Variants in HIVEP3 observed in about 807,000 individuals in gnomAD.
The protein encoded by HIVEP3 is transcription factor HIVEP3.
HIVEP3 carries 49 observed loss-of-function variants against 152.8 expected under a neutral mutation model. That is an observed-to-expected ratio of 0.32 (90% confidence interval 0.26 to 0.41). The LOEUF is 0.41. Ranked by LOEUF, HIVEP3 falls within the 10% of genes least tolerant of loss-of-function variation. The pLI is 1.00. For missense variants in HIVEP3, 2,790 were observed against 3,103.3 expected, an observed-to-expected ratio of 0.90 and a Z score of 2.40; for synonymous variants, 1,269 against 1,289.0, an observed-to-expected ratio of 0.98 and a Z score of 0.33.
intron 1 of HIVEP3, among the ~76,000 whole-genome samples, chr1:41,991,584 T>C (rs1419455358): frequency 1.3e-5 from 2 of 148,830 alleles, no homozygotes; most frequent in East Asian, 4.0e-4. Context: ...GAGGAACTGG[T>C]ACCATTCCTT....
intron 5 of HIVEP3, among the ~76,000 whole-genome samples, chr1:41,553,847 G>T (rs1387028741): frequency 6.6e-6 from 1 of 152,210 alleles, no homozygotes; most frequent in South Asian, 2.1e-4. Context: ...GGCTTGTAGG[G>T]TTTCTGCCGA....
At chr1:42,028,543 C>T (rs1350085658) in intron 1 of HIVEP3, among the ~76,000 whole-genome samples, 5 of 152,166 alleles carry the variant, frequency 3.3e-5, no homozygotes, top group African/African-American at 9.7e-5. Flanking sequence ...CTTACTGACT[C>T]GGTGTCCAAA....
chr1:41,945,025 C>T (rs913122986), intron 1 of HIVEP3, among the ~76,000 whole-genome samples: 36 of 152,140 alleles, frequency 2.4e-4, no homozygotes, highest in Admixed American at 2.2e-3. Context: ...ATTATAACCC[C>T]ATCTTACAGC....
intron 1 of HIVEP3, among the ~76,000 whole-genome samples, chr1:41,854,146 CCT>C (rs143354235): frequency 3.7e-4 from 55 of 148,284 alleles, no homozygotes; most frequent in Non-Finnish European, 4.4e-4. Flanking sequence ...TGTCCCACCT[CCT>C]CTCTCTCTCT....
At chr1:41,773,690 G>A (rs1266209755) in intron 1 of HIVEP3, among the ~76,000 whole-genome samples, 3 of 152,182 alleles carry the variant, frequency 2.0e-5, no homozygotes, top group Non-Finnish European at 1.5e-5. Flanking sequence ...CCTCTGATGT[G>A]CACAGATGAG....
intron 1 of HIVEP3, among the ~76,000 whole-genome samples, chr1:41,888,097 G>A (rs1331824192): frequency 6.8e-6 from 1 of 148,008 alleles, no homozygotes; most frequent in Non-Finnish European, 1.5e-5. Context: ...GTGCAGTGGC[G>A]TGATCTCAGC....
intron 1 of HIVEP3, among the ~76,000 whole-genome samples, chr1:41,811,287 A>T (rs889789447): frequency 1.3e-5 from 2 of 150,784 alleles, no homozygotes; most frequent in African/African-American, 2.4e-5. Flanking sequence ...TGTCCTCCCA[A>T]TGGTAGGAAC....
chr1:41,575,518 C>A, intron 5 of HIVEP3, 26 bp downstream of exon 5: 1 of 1,610,906 alleles, frequency 6.2e-7, no homozygotes, highest in South Asian at 1.1e-5. Context: ...CGGAAGCAGA[C>A]GATGGAAACC....
chr1:41,567,886 G>T (rs941331338), intron 5 of HIVEP3, among the ~76,000 whole-genome samples: 1 of 152,228 alleles, frequency 6.6e-6, no homozygotes, highest in Non-Finnish European at 1.5e-5. Context: ...TGATGGATGG[G>T]TTCTCACTGG....
At chr1:41,685,862 G>A (rs1003731383) in intron 2 of HIVEP3, among the ~76,000 whole-genome samples, 2 of 151,990 alleles carry the variant, frequency 1.3e-5, no homozygotes, top group Admixed American at 6.6e-5. Flanking sequence ...TCTCCAACCC[G>A]CCTCTCTGTC....
intron 1 of HIVEP3, among the ~76,000 whole-genome samples, chr1:42,009,257 A>G (rs1244580418): frequency 6.6e-6 from 1 of 152,144 alleles, no homozygotes. Context: ...ATGTGAATCT[A>G]CTTCCTATTT....
chr1:41,576,895 T>C (rs758693661), intron 4 of HIVEP3, among the ~76,000 whole-genome samples: 1 of 152,196 alleles, frequency 6.6e-6, no homozygotes. Context: ...CTCTTCAGAT[T>C]TGGAGGAGGG....
intron 1 of HIVEP3, among the ~76,000 whole-genome samples, chr1:41,710,074 C>T (rs1407966740): frequency 6.6e-6 from 1 of 152,124 alleles, no homozygotes; most frequent in African/African-American, 2.4e-5. Context: ...CCGAAGAGAG[C>T]TCTACTCAAG....
chr1:41,721,270 C>T (rs575010029), intron 1 of HIVEP3, among the ~76,000 whole-genome samples: 3 of 151,516 alleles, frequency 2.0e-5, no homozygotes, highest in East Asian at 1.9e-4. Flanking sequence ...TGCAATGGAG[C>T]GATCTCGGCT....
intron 1 of HIVEP3, among the ~76,000 whole-genome samples, chr1:41,746,245 T>TC (rs1476062382): frequency 6.6e-6 from 1 of 152,254 alleles, no homozygotes; most frequent in Non-Finnish European, 1.5e-5. Flanking sequence ...TGACTGGGTC[T>TC]CTGCTAATCA....
At chr1:41,956,166 A>G (rs565743622) in intron 1 of HIVEP3, among the ~76,000 whole-genome samples, 2 of 152,228 alleles carry the variant, frequency 1.3e-5, no homozygotes, top group Non-Finnish European at 2.9e-5. Flanking sequence ...GGAGAAGGGA[A>G]AAAGCAACGA....
At chr1:41,618,914 C>T (rs1248193922) in intron 3 of HIVEP3, among the ~76,000 whole-genome samples, 1 of 152,204 alleles carries the variant, frequency 6.6e-6, no homozygotes, top group African/African-American at 2.4e-5. Context: ...GGAATCAGAC[C>T]CCTTCCCATG....
At chr1:41,827,121 G>A (rs1326590450) in intron 1 of HIVEP3, among the ~76,000 whole-genome samples, 1 of 152,190 alleles carries the variant, frequency 6.6e-6, no homozygotes, top group East Asian at 1.9e-4. Context: ...GAGCCCAGGG[G>A]ACCAGGGGGC....
chr1:41,747,423 C>T (rs1414355058), intron 1 of HIVEP3, among the ~76,000 whole-genome samples: 1 of 152,192 alleles, frequency 6.6e-6, no homozygotes, highest in African/African-American at 2.4e-5. Flanking sequence ...CAACTCTCAC[C>T]TGCATTTCTG....
Sources: allele counts gnomAD v4.1 joint callset (sites outside exome capture counted in the v4.1 genomes callset), GRCh38; gene constraint gnomAD v4.1.1; transcripts MANE v1.5; gene names NCBI Gene and HGNC (gene_info 2026-07-23, HGNC 2026-07-21).